Variants in GRM1 observed in about 807,000 individuals in gnomAD.
GRM1 encodes glutamate metabotropic receptor 1, also known as metabotropic glutamate receptor 1.
GRM1 carries 33 observed loss-of-function variants against 90.9 expected under a neutral mutation model. The ratio of observed to expected loss-of-function variants is 0.36; its 90% CI spans 0.28 to 0.49. The LOEUF is 0.49. GRM1 is among the 20% of genes least tolerant of loss of function. The probability of loss-of-function intolerance (pLI) is 0.99; values close to 1 mark genes in which losing one functional copy is unlikely to be tolerated. For synonymous variants in GRM1, 700 were observed against 613.2 expected, an observed-to-expected ratio of 1.14 and a Z score of -2.09; for missense variants, 1,190 against 1,534.3, an observed-to-expected ratio of 0.78 and a Z score of 3.75.
intron 1 of GRM1, among the ~76,000 whole-genome samples, chr6:146,068,173 A>G (rs886405405): frequency 2.7e-5 from 4 of 150,076 alleles, no homozygotes; most frequent in Non-Finnish European, 5.9e-5. Flanking sequence ...GTGCAGTGGC[A>G]CGATCTCAGC....
At position 146,217,548 on chromosome 6, in the gene GRM1, A is replaced by T. The variant is rs549481092; in HGVS notation, c.950+57951A>T. 5.9e-5 allele frequency among the ~76,000 whole-genome samples: 9 copies of T among 152,320 alleles called. 1 individual carries two copies. In the South Asian group the frequency reaches 1.9e-3, roughly 32 times the overall value. On this transcript the variant is annotated intron_variant, in intron 2 of 7. Transcript: ENST00000282753. Reference sequence around the variant, plus strand: ...ATTATTATGCTCTCATAATATTTAGAATAAGAGGAAGATTATGCCAACAAT... The same window carrying T: ...ATTATTATGCTCTCATAATATTTAGTATAAGAGGAAGATTATGCCAACAAT...
chr6:146,323,618 G>T (rs1360973490), intron 3 of GRM1, among the ~76,000 whole-genome samples: 1 of 152,092 alleles, frequency 6.6e-6, no homozygotes, highest in Non-Finnish European at 1.5e-5. Flanking sequence ...TGTCAATTTT[G>T]TCTTTTGTTG....
At chr6:146,228,511 C>T (rs1780330535) in intron 2 of GRM1, among the ~76,000 whole-genome samples, 1 of 152,182 alleles carries the variant, frequency 6.6e-6, no homozygotes, top group South Asian at 2.1e-4. Context: ...AATGCTGTTA[C>T]AGTGGCAATG....
intron 1 of GRM1, among the ~76,000 whole-genome samples, chr6:146,072,691 T>G (rs1215212651): frequency 6.6e-6 from 1 of 152,038 alleles, no homozygotes; most frequent in Admixed American, 6.6e-5. Flanking sequence ...TTATGCCAGA[T>G]AGAGGAAGGA....
chr6:146,272,614 A>G (rs1178379881), intron 2 of GRM1, among the ~76,000 whole-genome samples: 3 of 152,236 alleles, frequency 2.0e-5, no homozygotes, highest in Non-Finnish European at 2.9e-5. Flanking sequence ...TATTTTGGCA[A>G]TGAGGAGAGA....
At chr6:146,378,115 G>A (rs1280051084) in intron 5 of GRM1, among the ~76,000 whole-genome samples, 1 of 152,178 alleles carries the variant, frequency 6.6e-6, no homozygotes, top group Non-Finnish European at 1.5e-5. Context: ...GAGGATACAT[G>A]GAAATACCTG....
At chr6:146,384,804 A>C (rs755569009) in intron 5 of GRM1, among the ~76,000 whole-genome samples, 9 of 152,130 alleles carry the variant, frequency 5.9e-5, no homozygotes, top group African/African-American at 1.2e-4. Flanking sequence ...ACAATATAAA[A>C]AATAACATAT....
intron 5 of GRM1, among the ~76,000 whole-genome samples, chr6:146,362,664 C>CAAAAAAAAAAAAAAAAAAAAAAAAAAA (rs11432508): frequency 1.2e-5 from 1 of 86,198 alleles, no homozygotes; most frequent in Non-Finnish European, 2.4e-5. Context: ...GACTCCATCT[C>CAAAAAAAAAAAAAAAAAAAAAAAAAAA]AAAAAAAAAA....
At chr6:146,430,795 A>G (rs1404776761) in intron 7 of GRM1, among the ~76,000 whole-genome samples, 1 of 152,212 alleles carries the variant, frequency 6.6e-6, no homozygotes, top group Non-Finnish European at 1.5e-5. Context: ...TATTATTACT[A>G]AATATACCTC....
intron 3 of GRM1, among the ~76,000 whole-genome samples, chr6:146,340,896 A>G (rs1784950111): frequency 6.6e-6 from 1 of 152,168 alleles, no homozygotes; most frequent in Non-Finnish European, 1.5e-5. Context: ...TCTTATTGAG[A>G]AGGTTGCCTC....
At chr6:146,040,647 A>G (rs890039215) in intron 1 of GRM1, among the ~76,000 whole-genome samples, 7 of 151,894 alleles carry the variant, frequency 4.6e-5, no homozygotes, top group African/African-American at 1.5e-4. Flanking sequence ...GAGCTCATAT[A>G]TGTTGTTTTC....
intron 7 of GRM1, among the ~76,000 whole-genome samples, chr6:146,422,292 A>G (rs1351640344): frequency 6.6e-6 from 1 of 152,180 alleles, no homozygotes; most frequent in Non-Finnish European, 1.5e-5. Flanking sequence ...AATAAAGTTT[A>G]ATTTATTTTC....
intron 2 of GRM1, among the ~76,000 whole-genome samples, chr6:146,232,233 C>A (rs1780473442): frequency 6.6e-6 from 1 of 152,038 alleles, no homozygotes; most frequent in South Asian, 2.1e-4. Flanking sequence ...GTTCTAGAGG[C>A]CAGAAGTCAG....
intron 2 of GRM1, among the ~76,000 whole-genome samples, chr6:146,199,018 A>G (rs776224472): frequency 1.3e-5 from 2 of 152,160 alleles, no homozygotes; most frequent in Non-Finnish European, 2.9e-5. Context: ...CATGGCCTCT[A>G]TTATTCGGGG....
At chr6:146,304,542 A>G (rs1260767727) in intron 2 of GRM1, 69 bp from the exon 3 acceptor site, 1 of 1,073,528 alleles carries the variant, frequency 9.3e-7, no homozygotes, top group Non-Finnish European at 1.4e-6. Context: ...TCATTCATAT[A>G]TAACTCTGAG....
chr6:146,319,155 T>C (rs1195345812), intron 3 of GRM1, among the ~76,000 whole-genome samples: 1 of 152,188 alleles, frequency 6.6e-6, no homozygotes, highest in Non-Finnish European at 1.5e-5. Flanking sequence ...TTAATCCATC[T>C]TGAGTTAATT....
At chr6:146,182,311 C>T (rs866682690) in intron 2 of GRM1, among the ~76,000 whole-genome samples, 1 of 151,944 alleles carries the variant, frequency 6.6e-6, no homozygotes, top group South Asian at 2.1e-4. Context: ...CTTTGAAATA[C>T]ATTGTCTAGA....
intron 1 of GRM1, among the ~76,000 whole-genome samples, chr6:146,129,961 C>T (rs1776333667): frequency 6.6e-6 from 1 of 151,868 alleles, no homozygotes; most frequent in African/African-American, 2.4e-5. Context: ...CATTTTGCAA[C>T]TAGACATTCT....
At chr6:146,171,893 C>T (rs536520933) in intron 2 of GRM1, 2 of 236,334 alleles carry the variant, frequency 8.5e-6, no homozygotes, top group East Asian at 1.1e-4. Flanking sequence ...TTCCAGCCAC[C>T]AGCCTCTATA....
Sources: gnomAD v4.1 joint callset for allele counts (sites outside exome capture counted in the v4.1 genomes callset) on GRCh38, gnomAD v4.1.1 for gene constraint, MANE v1.5 for transcripts, NCBI Gene and HGNC (gene_info 2026-07-23, HGNC 2026-07-21) for gene names.